The following FLNB variants were observed in gnomAD, a reference collection of about 807,000 sequenced individuals.
FLNB encodes the protein filamin-B.
Under a neutral mutation model 250.6 loss-of-function variants are expected in FLNB, and 111 were observed. The observed-to-expected ratio is 0.44, with a 90% CI of 0.38 to 0.52. The LOEUF is 0.52. Ranked by LOEUF, FLNB falls within the 20% of genes least tolerant of loss-of-function variation. FLNB has a pLI of 0.00. For synonymous variants in FLNB, 1,302 were observed against 1,372.1 expected (o/e 0.95, Z 1.13); for missense variants, 2,869 against 3,447.8 (o/e 0.83, Z 4.20).
intron 28 of FLNB, 64 bp from the exon 29 acceptor site, chr3:58,138,218 T>C: frequency 6.2e-7 from 1 of 1,609,198 alleles, no homozygotes; most frequent in Non-Finnish European, 8.5e-7. Context: ...TGGGTATGAT[T>C]TGTTCTTGGG....
At chr3:58,114,578 A>G (rs2097274603) in intron 18 of FLNB, among the ~76,000 whole-genome samples, 4 of 152,160 alleles carry the variant, frequency 2.6e-5, no homozygotes, top group African/African-American at 9.7e-5. Flanking sequence ...ATCATATGGA[A>G]ATCTCTTTTT....
intron 11 of FLNB, among the ~76,000 whole-genome samples, chr3:58,105,552 G>A (rs1216760649): frequency 6.6e-6 from 1 of 152,192 alleles, no homozygotes; most frequent in East Asian, 1.9e-4. Context: ...TTTGGATTTG[G>A]AAGATAAATA....
At chr3:58,106,636 T>G in intron 11 of FLNB, 44 bp from the exon 12 acceptor site, 5 of 1,578,524 alleles carry the variant, frequency 3.2e-6, no homozygotes, top group Non-Finnish European at 4.4e-6. Flanking sequence ...AATAGGTGCT[T>G]TCCACCATAT....
At chr3:58,052,616 G>A (rs12634644) in intron 1 of FLNB, among the ~76,000 whole-genome samples, 36,815 of 152,142 alleles carry the variant, frequency 0.24, 5,655 homozygotes, top group South Asian at 0.48. Flanking sequence ...TTAGTGTGCC[G>A]TGGTCATGAC....
intron 33 of FLNB, 37 bp downstream of exon 33, chr3:58,146,086 G>T: frequency 6.2e-7 from 1 of 1,613,552 alleles, no homozygotes; most frequent in Non-Finnish European, 8.5e-7. Flanking sequence ...GCCTCCAGCT[G>T]TCCATTTGGA....
rs2097335205 is a variant in FLNB at position 58,145,934 on chromosome 3, G to A, written c.5439G>A (p.Gln1813=). ...MGSHIPESPL[Q]FYVNYPNSGS... ...TCGTAAACCCAGAGAGCCCACTCCA[G>A]TTCTACGTGAACTACCCCAACAGTG... The change falls in exon 33 of 46, where the codon CAG becomes CAA. Residue 1813 remains glutamine, a synonymous_variant. Transcript: ENST00000295956. 1 of 1,614,194 alleles carries A rather than the reference G, an allele frequency of 6.2e-7. No homozygotes were observed. Among genetic ancestry groups the A allele is most frequent in the Non-Finnish European group, 8.5e-7 (1 of 1,180,046 alleles).
intron 1 of FLNB, among the ~76,000 whole-genome samples, chr3:58,011,281 G>T (rs2097098512): frequency 6.6e-6 from 1 of 152,104 alleles, no homozygotes; most frequent in Non-Finnish European, 1.5e-5. Context: ...TCCAGGGTTA[G>T]TTAGCTTCCC....
chr3:58,100,373 A>AAAAATATATAT, intron 8 of FLNB, among the ~76,000 whole-genome samples: 1 of 104,386 alleles, frequency 9.6e-6, no homozygotes, highest in African/African-American at 4.6e-5. Flanking sequence ...GTAAAAAAAA[A>AAAAATATATAT]ATATATATAT....
intron 20 of FLNB, among the ~76,000 whole-genome samples, chr3:58,121,989 G>A (rs2097289529): frequency 6.6e-6 from 1 of 151,866 alleles, no homozygotes; most frequent in Non-Finnish European, 1.5e-5. Flanking sequence ...CTACCACGGT[G>A]AAACCCCGTC....
At chr3:58,127,077 C>T (rs1029348846) in intron 24 of FLNB, among the ~76,000 whole-genome samples, 1 of 152,172 alleles carries the variant, frequency 6.6e-6, no homozygotes, top group Non-Finnish European at 1.5e-5. Flanking sequence ...AATCCCCAAA[C>T]TTTGGGAGGC....
At chr3:58,149,706 C>T in intron 36 of FLNB, 144 bp from the exon 37 acceptor site, 1 of 1,008,896 alleles carries the variant, frequency 9.9e-7, no homozygotes, top group South Asian at 1.4e-5. Flanking sequence ...CCCCTCTGGG[C>T]TTTGCAAACG....
intron 44 of FLNB, chr3:58,168,924 C>A (rs547799004): frequency 2.2e-6 from 1 of 457,662 alleles, no homozygotes; most frequent in Non-Finnish European, 4.0e-6. Context: ...TGAAATCTTA[C>A]GTATTTGTTT....
chr3:58,037,111 C>A (rs969905143), intron 1 of FLNB, among the ~76,000 whole-genome samples: 3 of 134,170 alleles, frequency 2.2e-5, no homozygotes, highest in African/African-American at 8.4e-5. Flanking sequence ...ATCACCCTGG[C>A]TGGAGTGCAG....
intron 1 of FLNB, among the ~76,000 whole-genome samples, chr3:58,033,182 C>A (rs1216112841): frequency 1.3e-5 from 2 of 152,198 alleles, no homozygotes; most frequent in Non-Finnish European, 2.9e-5. Flanking sequence ...TACACATGTA[C>A]ACTCACACAT....
At chr3:58,012,961 T>C (rs1054435198) in intron 1 of FLNB, among the ~76,000 whole-genome samples, 40 of 152,228 alleles carry the variant, frequency 2.6e-4, no homozygotes, top group Non-Finnish European at 1.5e-5. Context: ...CCCTGGCTAT[T>C]GATTCACATT....
At chr3:58,027,090 G>A (rs1194585626) in intron 1 of FLNB, among the ~76,000 whole-genome samples, 1 of 152,058 alleles carries the variant, frequency 6.6e-6, no homozygotes, top group Admixed American at 6.5e-5. Flanking sequence ...TCTGGGAAAG[G>A]TGTAGGACAT....
intron 8 of FLNB, among the ~76,000 whole-genome samples, chr3:58,100,373 A>AATATATATATATATATATATATATATAT (rs1553696177): frequency 0.013 from 1,303 of 104,200 alleles, 35 homozygotes; most frequent in Middle Eastern, 0.043. Flanking sequence ...GTAAAAAAAA[A>AATATATATATATATATATATATATATAT]ATATATATAT....
intron 18 of FLNB, among the ~76,000 whole-genome samples, chr3:58,113,936 C>T (rs1348227232): frequency 6.6e-6 from 1 of 152,160 alleles, no homozygotes; most frequent in African/African-American, 2.4e-5. Context: ...ACCTCAGCCT[C>T]CAAACCTGCG....
At chr3:58,111,599 T>A (rs1028461646) in intron 16 of FLNB, among the ~76,000 whole-genome samples, 192 bp from the exon 17 acceptor site, 1 of 152,186 alleles carries the variant, frequency 6.6e-6, no homozygotes, top group African/African-American at 2.4e-5. Context: ...GAGAGTGACC[T>A]GTTATAGAAG....
Sources: gnomAD v4.1 joint callset for allele counts (sites outside exome capture counted in the v4.1 genomes callset) on GRCh38, gnomAD v4.1.1 for gene constraint, MANE v1.5 for transcripts, NCBI Gene and HGNC (gene_info 2026-07-23, HGNC 2026-07-21) for gene names.